The following CDH11 variants were observed in gnomAD, a reference collection of about 807,000 sequenced individuals.
The protein encoded by CDH11 is cadherin-11.
A neutral mutation model predicts 67.8 loss-of-function variants in CDH11; 11 were observed. The ratio of observed to expected loss-of-function variants is 0.16; its 90% CI spans 0.10 to 0.27. CDH11 has a LOEUF of 0.27. CDH11 is among the 10% of genes least tolerant of loss of function. The pLI is 1.00. For synonymous variants in CDH11, 419 were observed against 400.0 expected, an observed-to-expected ratio of 1.05 and a Z score of -0.57; for missense variants, 847 against 1,031.2, an observed-to-expected ratio of 0.82 and a Z score of 2.45.
chr16:64,950,724 G>A (rs1260278936), intron 12 of CDH11, 43 bp downstream of exon 12: 3 of 1,594,726 alleles, frequency 1.9e-6, no homozygotes, highest in East Asian at 2.3e-5. Context: ...AGGGGCATCC[G>A]GTTGCCTGGC....
intron 2 of CDH11, among the ~76,000 whole-genome samples, chr16:65,050,071 T>C (rs1400475239): frequency 6.6e-6 from 1 of 152,122 alleles, no homozygotes; most frequent in East Asian, 1.9e-4. Context: ...TGGTTATTAC[T>C]CAGCAGGATG....
chr16:64,991,703 G>A, intron 6 of CDH11, 65 bp downstream of exon 6: 3 of 1,230,650 alleles, frequency 2.4e-6, no homozygotes, highest in Non-Finnish European at 2.4e-6. Flanking sequence ...GCAGGAATAG[G>A]TTAGAGGAGG....
chr16:65,051,882 T>C (rs1237504093), intron 2 of CDH11, among the ~76,000 whole-genome samples: 1 of 152,214 alleles, frequency 6.6e-6, no homozygotes, highest in Non-Finnish European at 1.5e-5. Flanking sequence ...TAAACCACTT[T>C]CATTTATAAA....
intron 1 of CDH11, among the ~76,000 whole-genome samples, chr16:65,061,804 T>C (rs763578427): frequency 1.5e-4 from 23 of 152,238 alleles, no homozygotes; most frequent in Non-Finnish European, 2.6e-4. Flanking sequence ...GCAATTATGA[T>C]GGCTAAAATT....
intron 4 of CDH11, among the ~76,000 whole-genome samples, chr16:64,997,387 A>G (rs2072800671): frequency 7.3e-6 from 1 of 136,558 alleles, no homozygotes; most frequent in Admixed American, 7.1e-5. Context: ...GTTGAAACTA[A>G]AAAAAAAAAA....
chr16:65,035,489 G>T (rs2073735494), intron 2 of CDH11, among the ~76,000 whole-genome samples: 1 of 152,136 alleles, frequency 6.6e-6, no homozygotes, highest in African/African-American at 2.4e-5. Flanking sequence ...CACTCTTAAT[G>T]GGCGCTTGCT....
intron 1 of CDH11, among the ~76,000 whole-genome samples, chr16:65,112,548 G>C (rs569464127): frequency 6.6e-6 from 1 of 152,246 alleles, no homozygotes; most frequent in Non-Finnish European, 1.5e-5. Flanking sequence ...CTGAAGGGAA[G>C]CCCTCGTGAT....
intron 7 of CDH11, chr16:64,987,326 G>A (rs2072512200): frequency 6.6e-6 from 1 of 152,146 alleles, no homozygotes. Context: ...AATAACTAAG[G>A]TGTGAATTCC....
At chr16:65,031,015 C>T (rs145825157) in intron 2 of CDH11, among the ~76,000 whole-genome samples, 55 of 152,278 alleles carry the variant, frequency 3.6e-4, no homozygotes, top group African/African-American at 1.3e-3. Flanking sequence ...AACTATGGTG[C>T]TAATTGATTG....
chr16:64,956,370 G>A (rs903768579), intron 11 of CDH11, among the ~76,000 whole-genome samples: 1 of 152,216 alleles, frequency 6.6e-6, no homozygotes, highest in Non-Finnish European at 1.5e-5. Flanking sequence ...GTAGACTAAT[G>A]AGGAAGAGAA....
chr16:65,003,591 T>G (rs1032090059), intron 3 of CDH11, among the ~76,000 whole-genome samples: 3 of 152,220 alleles, frequency 2.0e-5, no homozygotes, highest in Non-Finnish European at 2.9e-5. Flanking sequence ...GTCACTATCA[T>G]CTGAAAGATA....
intron 6 of CDH11, among the ~76,000 whole-genome samples, chr16:64,990,608 C>T (rs1235212880): frequency 6.8e-6 from 1 of 146,826 alleles, no homozygotes; most frequent in Non-Finnish European, 1.5e-5. Context: ...TCTAGGGCAA[C>T]TTATGCACTT....
intron 1 of CDH11, among the ~76,000 whole-genome samples, chr16:65,110,635 T>C (rs1458007868): frequency 1.6e-5 from 1 of 61,448 alleles, no homozygotes; most frequent in Non-Finnish European, 3.9e-5. Context: ...TGTGTGTGTG[T>C]GTGTGTGTGT....
chr16:64,952,283 C>T (rs370956633), intron 11 of CDH11, among the ~76,000 whole-genome samples: 2 of 152,154 alleles, frequency 1.3e-5, no homozygotes, highest in Admixed American at 1.3e-4. Flanking sequence ...AATACATAAC[C>T]TACTCTTCTG....
At chr16:64,973,632 C>T (rs1382780202) in intron 8 of CDH11, among the ~76,000 whole-genome samples, 1 of 152,026 alleles carries the variant, frequency 6.6e-6, no homozygotes, top group Non-Finnish European at 1.5e-5. Flanking sequence ...ATGGTGAAAT[C>T]GCATCTCTAC....
rs1427669357 is a variant in CDH11, at chr16:65,121,535, G to T, written c.-298+345C>A. ...CCGGGGACAGTCGGCGTGTCCGGAGGTCTGCTCTGCAGTCTCTTGCCCCAG... is the reference window on the plus strand; with the variant it reads ...CCGGGGACAGTCGGCGTGTCCGGAGTTCTGCTCTGCAGTCTCTTGCCCCAG... On this transcript the variant is annotated intron_variant, in intron 1 of 12. Coordinates refer to ENST00000268603, the MANE Select transcript of CDH11 (RefSeq NM_001797.4). This position sits in a 1 kb window ranked among gnomAD's most constrained non-coding sequence, Gnocchi z 4.1. Among the ~76,000 whole-genome samples the T allele has an allele frequency of 6.6e-6, 1 of 152,128 alleles. No individual in the cohort carries two copies. The highest frequency in any genetic ancestry group is 1.5e-5 in the Non-Finnish European group (1 of 68,034).
At chr16:64,989,808 T>A (rs2072585623) in intron 6 of CDH11, among the ~76,000 whole-genome samples, 1 of 152,218 alleles carries the variant, frequency 6.6e-6, no homozygotes, top group Non-Finnish European at 1.5e-5. Flanking sequence ...AAGCCAGGGT[T>A]GAAAATCTTT....
rs769573763 is a variant in CDH11 at position 64,972,073 on chromosome 16, A to G, written c.1391-9T>C. On this transcript the variant is annotated splice_polypyrimidine_tract_variant and intron_variant, in intron 9 of 12. Transcript: ENST00000268603. Reference sequence around the variant, plus strand: ...TTCCTGATGCCGATTGTCTGGGAAGACAGAATGCAGACAGTCAAGAAAGGT... The same window carrying G: ...TTCCTGATGCCGATTGTCTGGGAAGGCAGAATGCAGACAGTCAAGAAAGGT... The G allele has an allele frequency of 1.1e-4, 176 of 1,613,018 alleles. 1 individual carries two copies. In the South Asian group the frequency reaches 1.9e-3, roughly 18 times the overall value.
At chr16:65,096,406 GGTGTGTGTGTGTGT>G (rs377132363) in intron 1 of CDH11, among the ~76,000 whole-genome samples, 4 of 134,010 alleles carry the variant, frequency 3.0e-5, no homozygotes, top group Admixed American at 7.5e-5. Context: ...AATCTTTCGG[GGTGTGTGTGTGTGT>G]GTGTGTGTGT....
Sources: gnomAD v4.1 joint callset for allele counts (sites outside exome capture counted in the v4.1 genomes callset) on GRCh38, gnomAD v4.1.1 for gene constraint, Gnocchi (gnomAD v3.1) non-coding constraint, MANE v1.5 for transcripts, NCBI Gene and HGNC (gene_info 2026-07-23, HGNC 2026-07-21) for gene names.